The following PCDHGA9 variants were observed in gnomAD, a reference collection of about 807,000 sequenced individuals.
PCDHGA9 encodes the protein protocadherin gamma subfamily A, 9.
PCDHGA9 carries 37 observed loss-of-function variants against 62.5 expected under a neutral mutation model. That is an observed-to-expected ratio of 0.59 (90% CI 0.46 to 0.78). The LOEUF is 0.78. PCDHGA9 is among the 30% of genes least tolerant of loss of function. The pLI is 0.00. For synonymous variants in PCDHGA9, 459 were observed against 484.6 expected (o/e 0.95, Z 0.69); for missense variants, 1,138 against 1,166.2 (o/e 0.98, Z 0.35).
chr5:141,432,250 A>T lies in PCDHGA9; in HGVS notation c.2424+26874A>T. ...ATTCCCTGGCTGAGAACACCATCCA[A>T]GGGGCAAGCCTATCGTCCTACGTGT... is the stretch of plus-strand genomic sequence containing the variant. On this transcript the variant is annotated intron_variant, in intron 1 of 3. Transcript: ENST00000573521. This position sits in a 1 kb window ranked among gnomAD's most constrained non-coding sequence, Gnocchi z 6.0. 1 of 1,614,234 alleles carries T rather than the reference A, an allele frequency of 6.2e-7. No homozygotes were observed. Among genetic ancestry groups the T allele is most frequent in the Non-Finnish European group, 8.5e-7 (1 of 1,180,054 alleles).
At chr5:141,417,958 C>T (rs1255501304) in intron 1 of PCDHGA9, 3 of 1,613,720 alleles carry the variant, frequency 1.9e-6, no homozygotes, top group South Asian at 2.2e-5. Context: ...GTGAGCCGAT[C>T]CGCTACTCGA....
intron 1 of PCDHGA9, chr5:141,419,960 G>A (rs773071584): frequency 5.0e-6 from 8 of 1,613,960 alleles, no homozygotes; most frequent in South Asian, 4.4e-5. Context: ...CTTGATTTCT[G>A]TGCTCTTTCT....
intron 2 of PCDHGA9, among the ~76,000 whole-genome samples, chr5:141,496,040 AT>A (rs2099765531): frequency 1.3e-5 from 2 of 150,356 alleles, no homozygotes; most frequent in Admixed American, 6.6e-5. Flanking sequence ...TCTGTCTCTC[AT>A]TTTTTTGTGC....
In PCDHGA9 at chr5:141,405,047, G is replaced by T. The variant is rs754907464; in HGVS notation, c.2095G>T (p.Val699Phe). 1 of 1,613,944 alleles carries T rather than the reference G, an allele frequency of 6.2e-7. No individual in the cohort carries two copies. The highest frequency in any genetic ancestry group is 8.5e-7 in the Non-Finnish European group (1 of 1,179,838). The change falls in exon 1 of 4, where the codon GTC (valine) becomes TTC (phenylalanine). Residue 699 changes from valine to phenylalanine, a missense_variant. Physicochemically the swap from Val to Phe is conservative, Grantham distance 50. Coordinates refer to ENST00000573521, the MANE Select transcript of PCDHGA9 (RefSeq NM_018921.3). ...LTLYLVVAVA[V>F]VSCVFLTFVI... ...CCTCTACCTCGTTGTGGCTGTGGCAGTCGTCTCCTGTGTCTTCCTCACCTT... is the reference window on the plus strand; with the variant it reads ...CCTCTACCTCGTTGTGGCTGTGGCATTCGTCTCCTGTGTCTTCCTCACCTT...
Position 141,450,006 on chromosome 5 carries a change from C to CTATTTTTT in PCDHGA9, c.2424+44631_2424+44632insATTTTTTT, listed in dbSNP as rs70988802. Among the ~76,000 whole-genome samples the CTATTTTTT allele has an allele frequency of 4.4e-4, 58 of 132,942 alleles. 2 individuals carry two copies. The highest frequency in any genetic ancestry group is 8.4e-4 in the African/African-American group (30 of 35,608). The allele number at this position is 132,942 out of a possible 152,430, so 87.2% of individuals were successfully genotyped here. A position where few individuals can be genotyped will look rare whatever the true frequency, so the allele number is the denominator to read the frequency against. ...CACATTGCATTTAGTTGCCATGTCT[C>CTATTTTTT]TTTTTTTTTTTTTTTTTTGAGACAG... On this transcript the variant is annotated intron_variant, in intron 1 of 3. Coordinates refer to ENST00000573521, the MANE Select transcript of PCDHGA9 (RefSeq NM_018921.3).
At position 141,432,963 on chromosome 5, in the gene PCDHGA9, C is replaced by T. The variant is rs1382354299; in HGVS notation, c.2424+27587C>T. 1.5e-5 allele frequency: 24 copies of T among 1,614,046 alleles called. 1 individual carries two copies. In the South Asian group the frequency reaches 2.3e-4, roughly 16 times the overall value. On this transcript the variant is annotated intron_variant, in intron 1 of 3. Transcript: ENST00000573521. The surrounding 1 kb of genome is among the most constrained non-coding windows in gnomAD (Gnocchi z 6.0). ...GCTTCAGGAGGCGGCTTGACAGGAG[C>T]GCCGGCGTCGCACTTTGTGGGCGTG...
rs781289120 is a variant in PCDHGA9 at position 141,431,571 on chromosome 5, A to G, written c.2424+26195A>G. ...GTAGTCAACGCTACCGACCCTGACG[A>G]AGGAGTCAATGCGGAAGTGAGGTAT... is the stretch of plus-strand genomic sequence containing the variant. On this transcript the variant is annotated intron_variant, in intron 1 of 3. Transcript: ENST00000573521. The surrounding 1 kb of genome is among the most constrained non-coding windows in gnomAD (Gnocchi z 4.8). 6.2e-7 allele frequency: 1 copy of G among 1,614,144 alleles called. No homozygotes were observed. The highest frequency in any genetic ancestry group is 2.2e-5 in the East Asian group (1 of 44,882).
At chr5:141,464,422 TATAG>T (rs2099083887) in intron 1 of PCDHGA9, among the ~76,000 whole-genome samples, 1 of 151,672 alleles carries the variant, frequency 6.6e-6, no homozygotes, top group African/African-American at 2.4e-5. Context: ...TATCTATATA[TATAG>T]ATATATATGT....
intron 1 of PCDHGA9, chr5:141,413,373 C>T (rs1421093311): frequency 1.2e-6 from 2 of 1,613,946 alleles, no homozygotes; most frequent in Non-Finnish European, 1.7e-6. Flanking sequence ...TGGCGGAGCG[C>T]GGAGTCCGCA....
chr5:141,424,294 C>G (rs1260250688), intron 1 of PCDHGA9: 1 of 152,470 alleles, frequency 6.6e-6, no homozygotes, highest in Non-Finnish European at 1.5e-5. Context: ...ATTTCTTCAT[C>G]CTATCAACAC....
rs141397385 is a variant in PCDHGA9 at position 141,476,135 on chromosome 5, A to C, written c.2425-18672A>C. 8.4e-4 allele frequency: 1,352 copies of C among 1,608,526 alleles called. 1 individual carries two copies. Among genetic ancestry groups the C allele is most frequent in the Non-Finnish European group, 1.1e-3 (1,319 of 1,178,332 alleles). On this transcript the variant is annotated intron_variant, in intron 1 of 3. Transcript: ENST00000573521. This position sits in a 1 kb window ranked among gnomAD's most constrained non-coding sequence, Gnocchi z 7.6. ...GAGTGAGATGGTCCCAGAGGCCTGG[A>C]GGAGCGGACTGGTAAGCACCGGGAG...
intron 3 of PCDHGA9, chr5:141,508,084 T>A (rs1422530110): frequency 6.6e-6 from 1 of 152,432 alleles, no homozygotes; most frequent in East Asian, 1.9e-4. Flanking sequence ...CTGGAGTTGC[T>A]GCCTTGGCCC....
Position 141,486,601 on chromosome 5 carries a change from C to A in PCDHGA9, c.2425-8206C>A, listed in dbSNP as rs770685748. On this transcript the variant is annotated intron_variant, in intron 1 of 3. Transcript: ENST00000573521. The surrounding 1 kb of genome is among the most constrained non-coding windows in gnomAD (Gnocchi z 5.0). ...ATCGCCCAGGGGACCTGCTTTGCTCCCTTGCAGCCTCTGACCCAGACTCTG... is the reference window on the plus strand; with the variant it reads ...ATCGCCCAGGGGACCTGCTTTGCTCACTTGCAGCCTCTGACCCAGACTCTG... The A allele has an allele frequency of 1.9e-6, 3 of 1,613,558 alleles. No homozygotes were observed. The highest frequency in any genetic ancestry group is 3.3e-5 in the Admixed American group (2 of 60,026).
intron 1 of PCDHGA9, among the ~76,000 whole-genome samples, chr5:141,445,567 T>C (rs1465765772): frequency 6.6e-6 from 1 of 152,142 alleles, no homozygotes; most frequent in Admixed American, 6.5e-5. Context: ...AGAGAAAGCT[T>C]ATAGTAGGGA....
intron 1 of PCDHGA9, chr5:141,420,386 A>G (rs1407565643): frequency 6.2e-6 from 8 of 1,284,798 alleles, no homozygotes; most frequent in Non-Finnish European, 7.2e-6. Context: ...AGTTCGCAAA[A>G]TATAGGTCAA....
At chr5:141,456,341 C>G (rs950158154) in intron 1 of PCDHGA9, among the ~76,000 whole-genome samples, 4 of 152,034 alleles carry the variant, frequency 2.6e-5, no homozygotes, top group Admixed American at 1.3e-4. Context: ...TAAGGGTCCT[C>G]GGAAGAATGG....
chr5:141,406,532 G>A (rs58503510), intron 1 of PCDHGA9, among the ~76,000 whole-genome samples: 16,962 of 152,088 alleles, frequency 0.11, 1,106 homozygotes, highest in African/African-American at 0.18. Context: ...ATTTTCTGAC[G>A]AAGATTCAAA....
chr5:141,408,694 A>T (rs2095152952), intron 1 of PCDHGA9: 1 of 1,613,772 alleles, frequency 6.2e-7, no homozygotes, highest in African/African-American at 1.3e-5. Flanking sequence ...ATATAAACAT[A>T]AACTCAATTA....
intron 1 of PCDHGA9, chr5:141,418,730 G>A (rs371887408): frequency 6.2e-6 from 10 of 1,613,832 alleles, no homozygotes; most frequent in African/African-American, 1.3e-5. Context: ...AGCTCAGCAC[G>A]TGTTCTCTCT....
Sources: gnomAD v4.1 joint callset for allele counts (sites outside exome capture counted in the v4.1 genomes callset) on GRCh38, gnomAD v4.1.1 for gene constraint, Gnocchi (gnomAD v3.1) non-coding constraint, MANE v1.5 for transcripts, NCBI Gene and HGNC (gene_info 2026-07-23, HGNC 2026-07-21) for gene names.